CASK: variants seen among roughly 807,000 people sequenced by gnomAD.
CASK encodes the protein peripheral plasma membrane protein CASK.
CASK carries 4 observed loss-of-function variants against 82.9 expected under a neutral mutation model. The ratio of observed to expected loss-of-function variants is 0.05; its 90% CI spans 0.02 to 0.11. The LOEUF (loss-of-function observed/expected upper bound fraction) is 0.11, where lower values mean the gene tolerates loss of function less well. Among genes scored for constraint, CASK ranks in the 10% least tolerant of loss-of-function variants. The pLI, the probability that CASK is intolerant of heterozygous loss-of-function variation, is 1.00. For synonymous variants in CASK, 259 were observed against 253.5 expected, an observed-to-expected ratio of 1.02 and a Z score of -0.20; for missense variants, 358 against 720.9, an observed-to-expected ratio of 0.50 and a Z score of 5.76.
At chrX:41,555,539 A>G (rs947786625) in intron 20 of CASK, 61 bp downstream of exon 20, 2 of 878,979 alleles carry the variant, frequency 2.3e-6, no homozygotes, top group African/African-American at 3.9e-5. Flanking sequence ...GAAAGGGTTA[A>G]TAAAGGATTG....
chrX:41,662,812 G>A (rs1432082522), intron 7 of CASK, among the ~76,000 whole-genome samples: 2 of 109,648 alleles, frequency 1.8e-5, no homozygotes, highest in Non-Finnish European at 3.8e-5. Flanking sequence ...CCACCAAGGT[G>A]ATGAAATAAT....
chrX:41,828,492 T>C (rs1359427261), intron 2 of CASK, among the ~76,000 whole-genome samples: 1 of 112,008 alleles, frequency 8.9e-6, no homozygotes, highest in African/African-American at 3.2e-5. Flanking sequence ...TACTACACAT[T>C]ATAGAGACAA....
At chrX:41,558,656 C>A (rs2065188721) in intron 18 of CASK, 1 of 111,373 alleles carries the variant, frequency 9.0e-6, no homozygotes, top group Non-Finnish European at 1.9e-5. Flanking sequence ...TCTGCATTTT[C>A]TTTTGAAATA....
At chrX:41,864,322 T>C (rs774566939) in intron 1 of CASK, among the ~76,000 whole-genome samples, 2 of 111,375 alleles carry the variant, frequency 1.8e-5, no homozygotes, top group Admixed American at 9.5e-5. Context: ...GTTTCCCAAA[T>C]TGGCATCTTG....
At chrX:41,659,836 CA>C (rs1412418701) in intron 8 of CASK, among the ~76,000 whole-genome samples, 1 of 109,377 alleles carries the variant, frequency 9.1e-6, no homozygotes, top group African/African-American at 3.3e-5. Flanking sequence ...CCCATCTCTA[CA>C]AAAAATACAA....
At chrX:41,857,046 G>T (rs1252439641) in intron 1 of CASK, among the ~76,000 whole-genome samples, 1 of 110,701 alleles carries the variant, frequency 9.0e-6, no homozygotes, top group Non-Finnish European at 1.9e-5. Flanking sequence ...AGATAATGAA[G>T]AGGTTCTCCA....
chrX:41,732,508 G>C (rs1307033762), intron 5 of CASK, among the ~76,000 whole-genome samples: 1 of 110,824 alleles, frequency 9.0e-6, no homozygotes, highest in Non-Finnish European at 1.9e-5. Context: ...AGGGAGAACA[G>C]AGGGAACACT....
At chrX:41,541,189 G>A (rs1222035947) in intron 22 of CASK, among the ~76,000 whole-genome samples, 1 of 112,273 alleles carries the variant, frequency 8.9e-6, no homozygotes, top group Non-Finnish European at 1.9e-5. Context: ...CGTTTTGTGT[G>A]AAGCAACATT....
intron 14 of CASK, among the ~76,000 whole-genome samples, chrX:41,579,686 C>T (rs5918205): frequency 0.15 from 16,090 of 110,928 alleles, 893 homozygotes; most frequent in Middle Eastern, 0.17. Context: ...GGGATCTGTG[C>T]GGTAATATCT....
chrX:41,753,839 T>G (rs1018807414), intron 3 of CASK, among the ~76,000 whole-genome samples: 2 of 111,788 alleles, frequency 1.8e-5, no homozygotes, highest in Middle Eastern at 4.2e-3. Flanking sequence ...TGAGCTATAA[T>G]GGCACCACTG....
Position 41,854,224 on chromosome X carries a change from GCACACACA to G in CASK, c.60-1005_60-998del, listed in dbSNP as rs4007745. On this transcript the variant is annotated intron_variant, in intron 1 of 26. Transcript: ENST00000378163. ...AACATGCGCGCGCGCGCGGGCGCGC[GCACACACA>G]CACACACACACACACACACACACAC... Among the ~76,000 whole-genome samples the G allele has an allele frequency of 7.5e-3, 615 of 81,724 alleles. 10 individuals carry two copies. Among genetic ancestry groups the G allele is most frequent in the African/African-American group, 0.019 (410 of 21,754 alleles). 71.0% of individuals were successfully genotyped at this position (81,724 alleles called of 115,157 possible). A position where few individuals can be genotyped will look rare whatever the true frequency, so the allele number is the denominator to read the frequency against.
intron 1 of CASK, among the ~76,000 whole-genome samples, chrX:41,870,995 C>A: frequency 8.9e-6 from 1 of 112,238 alleles, no homozygotes; most frequent in Non-Finnish European, 1.9e-5. Context: ...TAGGGTCTCA[C>A]AATGCTGAAA....
intron 12 of CASK, among the ~76,000 whole-genome samples, chrX:41,609,219 G>A (rs1399850097): frequency 9.0e-6 from 1 of 111,536 alleles, no homozygotes; most frequent in Non-Finnish European, 1.9e-5. Flanking sequence ...GGGTTCAAGC[G>A]ATTCTCCTGC....
intron 5 of CASK, among the ~76,000 whole-genome samples, chrX:41,733,131 G>A (rs757209061): frequency 8.0e-5 from 8 of 100,308 alleles, no homozygotes; most frequent in South Asian, 5.0e-4. Context: ...AGCTGAGACC[G>A]TGCCACTGCA....
Position 41,530,236 on chromosome X carries a change from G to A in CASK, c.2520+771C>T, listed in dbSNP as rs146649691. Among the ~76,000 whole-genome samples, 616 of 111,437 alleles carry A rather than the reference G, an allele frequency of 5.5e-3. 5 individuals are homozygous for A. Among genetic ancestry groups the A allele is most frequent in the African/African-American group, 0.019 (589 of 30,704 alleles). ...TCCCAAATCCTTCCTACTATACTTT[G>A]CCTCCCATATCTACTTGGTTTGTAC... is the stretch of plus-strand genomic sequence containing the variant. On this transcript the variant is annotated intron_variant, in intron 25 of 26. Coordinates refer to ENST00000378163, the MANE Select transcript of CASK (RefSeq NM_001367721.1).
chrX:41,533,884 C>T (rs182028363), intron 24 of CASK, among the ~76,000 whole-genome samples: 54 of 111,460 alleles, frequency 4.8e-4, no homozygotes, highest in African/African-American at 1.6e-3. Flanking sequence ...TCTCAAACTC[C>T]CGACCTCAGG....
intron 1 of CASK, among the ~76,000 whole-genome samples, chrX:41,854,224 G>GCACACACACACACA (rs4007745): frequency 2.7e-4 from 22 of 81,724 alleles, no homozygotes; most frequent in African/African-American, 8.3e-4. Flanking sequence ...GCGGGCGCGC[G>GCACACACACACACA]CACACACACA....
At chrX:41,842,940 T>C (rs745752092) in intron 2 of CASK, among the ~76,000 whole-genome samples, 14 of 112,057 alleles carry the variant, frequency 1.2e-4, no homozygotes, top group African/African-American at 4.2e-4. Flanking sequence ...GTAAATGGAA[T>C]TGCTTTCTTA....
chrX:41,905,842 C>A (rs2072461005), intron 1 of CASK, among the ~76,000 whole-genome samples: 1 of 112,840 alleles, frequency 8.9e-6, no homozygotes, highest in Non-Finnish European at 1.9e-5. Flanking sequence ...GCAATGAAAT[C>A]GTTTTAGATA....
Sources: gnomAD v4.1 joint callset for allele counts (sites outside exome capture counted in the v4.1 genomes callset) on GRCh38, gnomAD v4.1.1 for gene constraint, MANE v1.5 for transcripts, NCBI Gene and HGNC (gene_info 2026-07-23, HGNC 2026-07-21) for gene names.